NEDD4: variants seen among roughly 807,000 people sequenced by gnomAD.
NEDD4 encodes the protein E3 ubiquitin-protein ligase NEDD4.
A neutral mutation model predicts 144.9 loss-of-function variants in NEDD4; 99 were observed. The ratio of observed to expected loss-of-function variants is 0.68; its 90% CI spans 0.58 to 0.81. The LOEUF (loss-of-function observed/expected upper bound fraction) is 0.81. Ranked by LOEUF, NEDD4 falls within the 30% of genes least tolerant of loss-of-function variation. The pLI, the probability that NEDD4 is intolerant of heterozygous loss-of-function variation, is 0.00. For missense variants in NEDD4, 985 were observed against 1,065.9 expected (o/e 0.92, Z 1.06); for synonymous variants, 318 against 350.6 (o/e 0.91, Z 1.04).
rs2035431322 is a variant in NEDD4, at chr15:55,887,465, T to C, written c.292-13457A>G. 2.0e-5 allele frequency among the ~76,000 whole-genome samples: 3 copies of C among 152,044 alleles called. No individual in the cohort carries two copies. The South Asian group carries it at 6.2e-4, about 31-fold the overall frequency. On this transcript the variant is annotated intron_variant, in intron 5 of 28. Coordinates refer to ENST00000435532, the MANE Select transcript of NEDD4 (RefSeq NM_006154.4). The stretch of plus-strand genomic sequence containing the variant: ...GAAATCCAAAACAGGAACAGACCAA[T>C]AACAAGTAATGAGATTGAAGCTGTA...
chr15:55,838,480 G>A, intron 22 of NEDD4, 29 bp downstream of exon 22: 1 of 1,422,828 alleles, frequency 7.0e-7, no homozygotes, highest in South Asian at 1.1e-5. Context: ...CAATTTATGT[G>A]CCATTTTAAC....
intron 6 of NEDD4, among the ~76,000 whole-genome samples, chr15:55,873,280 C>T (rs1289554468): frequency 3.3e-5 from 5 of 152,184 alleles, no homozygotes; most frequent in African/African-American, 1.2e-4. Flanking sequence ...TGATAACACT[C>T]AATCCTTCCA....
intron 5 of NEDD4, among the ~76,000 whole-genome samples, chr15:55,896,895 A>G (rs1407097073): frequency 6.6e-6 from 1 of 151,894 alleles, no homozygotes; most frequent in Non-Finnish European, 1.5e-5. Context: ...GATAAATTCT[A>G]AATTATTAAA....
chr15:55,935,666 T>C (rs1220311876), intron 4 of NEDD4, among the ~76,000 whole-genome samples: 1 of 151,720 alleles, frequency 6.6e-6, no homozygotes, highest in Non-Finnish European at 1.5e-5. Flanking sequence ...GCTAACACAG[T>C]GAAACCCTGT....
intron 4 of NEDD4, among the ~76,000 whole-genome samples, chr15:55,939,641 A>G (rs1233869241): frequency 6.6e-6 from 1 of 152,226 alleles, no homozygotes; most frequent in Non-Finnish European, 1.5e-5. Context: ...ATGCAAATCA[A>G]AACCACACCT....
rs1396687793 is a variant in NEDD4 at position 55,828,105 on chromosome 15, G to C, written c.*1792C>G. Reference sequence around the variant, plus strand: ...TGACAATGGTGAAGACAAAACGCAGGGTACATTAATCTGTGAATTGCTTCC... The same window carrying C: ...TGACAATGGTGAAGACAAAACGCAGCGTACATTAATCTGTGAATTGCTTCC... On this transcript the variant is annotated 3_prime_UTR_variant, in exon 29 of 29. Transcript: ENST00000435532. 1 of 152,040 alleles carries C rather than the reference G, an allele frequency of 6.6e-6. No homozygotes were observed. The highest frequency in any genetic ancestry group is 1.5e-5 in the Non-Finnish European group (1 of 68,016). 9.4% of individuals were successfully genotyped at this position (152,040 alleles called of 1,614,324 possible). A position where few individuals can be genotyped will look rare whatever the true frequency, so the allele number is the denominator to read the frequency against.
chr15:55,920,960 C>G (rs1419899060), intron 5 of NEDD4, among the ~76,000 whole-genome samples: 1 of 152,104 alleles, frequency 6.6e-6, no homozygotes, highest in East Asian at 1.9e-4. Flanking sequence ...TCAAGAAAAG[C>G]TGTATTTCCC....
At chr15:55,860,329 A>G in intron 11 of NEDD4, 78 bp downstream of exon 11, 1 of 1,429,162 alleles carries the variant, frequency 7.0e-7, no homozygotes, top group Non-Finnish European at 9.5e-7. Context: ...AAAATTTTAC[A>G]TAAAAGTTAG....
At chr15:55,958,000 A>C (rs1427872528) in intron 2 of NEDD4, among the ~76,000 whole-genome samples, 1 of 152,214 alleles carries the variant, frequency 6.6e-6, no homozygotes, top group Non-Finnish European at 1.5e-5. Flanking sequence ...GGATAGCATT[A>C]GGAGATATAC....
intron 1 of NEDD4, among the ~76,000 whole-genome samples, chr15:55,986,399 C>A (rs978116138): frequency 6.6e-6 from 1 of 152,140 alleles, no homozygotes; most frequent in East Asian, 1.9e-4. Flanking sequence ...ATTAAGGTCA[C>A]TGACAGTGTT....
At chr15:55,844,393 A>T (rs2033651822) in intron 18 of NEDD4, among the ~76,000 whole-genome samples, 1 of 146,066 alleles carries the variant, frequency 6.8e-6, no homozygotes, top group Non-Finnish European at 1.5e-5. Flanking sequence ...CACACTGGTC[A>T]GTTAAAGACC....
Position 55,898,723 on chromosome 15 carries a change from C to A in NEDD4, c.292-24715G>T, listed in dbSNP as rs78560585. 7.8e-4 allele frequency among the ~76,000 whole-genome samples: 115 copies of A among 148,264 alleles called. No homozygotes were observed. In the East Asian group the frequency reaches 0.016, roughly 20 times the overall value. On this transcript the variant is annotated intron_variant, in intron 5 of 28. Coordinates refer to ENST00000435532, the MANE Select transcript of NEDD4 (RefSeq NM_006154.4). ...CAATCGTAGCTCAATGCAACTTGGA[C>A]TCCTGGGCTCAAGTGATTCTCCTGC... is the stretch of plus-strand genomic sequence containing the variant.
intron 4 of NEDD4, among the ~76,000 whole-genome samples, chr15:55,945,083 T>A (rs1292156552): frequency 6.6e-6 from 1 of 151,708 alleles, no homozygotes; most frequent in Non-Finnish European, 1.5e-5. Context: ...CTGAAAATTC[T>A]AAAAACCAGA....
chr15:55,844,309 G>A (rs1238557912), intron 18 of NEDD4, among the ~76,000 whole-genome samples: 1 of 152,226 alleles, frequency 6.6e-6, no homozygotes, highest in East Asian at 1.9e-4. Flanking sequence ...GGAGCCACAC[G>A]GTCAGATTGC....
At chr15:55,836,331 GACACACACACACACAC>G (rs10526731) in intron 24 of NEDD4, among the ~76,000 whole-genome samples, 115 of 148,052 alleles carry the variant, frequency 7.8e-4, no homozygotes, top group South Asian at 1.1e-3. Context: ...AAAAGTATGT[GACACACACACACACAC>G]ACACACACAC....
chr15:55,889,625 T>G (rs2035501212), intron 5 of NEDD4, among the ~76,000 whole-genome samples: 1 of 152,164 alleles, frequency 6.6e-6, no homozygotes, highest in South Asian at 2.1e-4. Flanking sequence ...CAAAAAAGAA[T>G]AAATAAGATC....
rs1399368575 is a variant in NEDD4 at position 55,876,847 on chromosome 15, C to CT, written c.292-2840dup. On this transcript the variant is annotated intron_variant, in intron 5 of 28. Transcript: ENST00000435532. ...TAAAAATATTTTATTAAATGTTTTT[C>CT]TTTTTTTTTCACTTTTTTTTTCTTT... 6.9e-4 allele frequency among the ~76,000 whole-genome samples: 103 copies of CT among 149,230 alleles called. 1 individual carries two copies. Among genetic ancestry groups the CT allele is most frequent in the Middle Eastern group, 3.4e-3 (1 of 292 alleles).
At chr15:55,899,090 G>A (rs1028410669) in intron 5 of NEDD4, among the ~76,000 whole-genome samples, 4 of 152,196 alleles carry the variant, frequency 2.6e-5, no homozygotes, top group Admixed American at 6.5e-5. Context: ...ACTGCAAGAA[G>A]TATGTGTAAA....
intron 5 of NEDD4, chr15:55,915,409 T>C: frequency 6.2e-7 from 1 of 1,613,858 alleles, no homozygotes; most frequent in Non-Finnish European, 8.5e-7. Flanking sequence ...TTAGAACAAT[T>C]GTGCTTAAGG....
Sources: allele counts gnomAD v4.1 joint callset (sites outside exome capture counted in the v4.1 genomes callset), GRCh38; gene constraint gnomAD v4.1.1; transcripts MANE v1.5; gene names NCBI Gene and HGNC (gene_info 2026-07-23, HGNC 2026-07-21).